KCNIP4: variants seen among roughly 807,000 people sequenced by gnomAD.
KCNIP4 encodes the protein potassium voltage-gated channel interacting protein 4.
KCNIP4 carries 12 observed loss-of-function variants against 34.0 expected under a neutral mutation model. That is an observed-to-expected ratio of 0.35 (90% CI 0.23 to 0.57). The LOEUF (loss-of-function observed/expected upper bound fraction) is 0.57, where lower values mean the gene tolerates loss of function less well. Among genes scored for constraint, KCNIP4 ranks in the 20% least tolerant of loss-of-function variants. The pLI is 0.83. For missense variants in KCNIP4, 238 were observed against 311.7 expected, an observed-to-expected ratio of 0.76 and a Z score of 1.78; for synonymous variants, 124 against 102.2, an observed-to-expected ratio of 1.21 and a Z score of -1.29.
intron 1 of KCNIP4, among the ~76,000 whole-genome samples, chr4:20,952,380 CT>C (rs1374745458): frequency 3.3e-5 from 5 of 152,044 alleles, no homozygotes; most frequent in Non-Finnish European, 7.4e-5. Flanking sequence ...CTCAAAACTC[CT>C]TTATATAACA....
intron 3 of KCNIP4, among the ~76,000 whole-genome samples, chr4:20,840,942 G>A (rs7672234): frequency 0.37 from 56,260 of 152,054 alleles, 10,849 homozygotes; most frequent in Non-Finnish European, 0.43. Flanking sequence ...CACAGGACAC[G>A]AATAATCTAC....
At chr4:21,227,500 A>G (rs997647472) in intron 1 of KCNIP4, among the ~76,000 whole-genome samples, 2 of 152,076 alleles carry the variant, frequency 1.3e-5, no homozygotes, top group African/African-American at 4.8e-5. Flanking sequence ...TGAAGCATGC[A>G]AATGGTCTGC....
chr4:21,043,595 T>C (rs575731409), intron 1 of KCNIP4, among the ~76,000 whole-genome samples: 1 of 152,120 alleles, frequency 6.6e-6, no homozygotes, highest in African/African-American at 2.4e-5. Flanking sequence ...CGCCTTGGCC[T>C]CTCAAAGTGC....
At chr4:20,850,842 T>TA (rs1720940600) in intron 2 of KCNIP4, 175 bp from the exon 3 acceptor site, 2 of 557,874 alleles carry the variant, frequency 3.6e-6, no homozygotes, top group Admixed American at 7.2e-5. Flanking sequence ...CGTATTAAGC[T>TA]AAAACACTTG....
chr4:20,933,746 A>G (rs1730739701), intron 1 of KCNIP4, among the ~76,000 whole-genome samples: 2 of 151,656 alleles, frequency 1.3e-5, no homozygotes, highest in African/African-American at 4.8e-5. Flanking sequence ...GAAAAAGAAA[A>G]AAAAAAAAAG....
At chr4:21,189,557 G>A (rs1323452268) in intron 1 of KCNIP4, among the ~76,000 whole-genome samples, 2 of 152,156 alleles carry the variant, frequency 1.3e-5, no homozygotes, top group Non-Finnish European at 2.9e-5. Flanking sequence ...CCCAATGATA[G>A]CTCACTAAGT....
chr4:21,948,727 C>CG lies in KCNIP4; in HGVS notation c.-97dup. 3 of 1,295,192 alleles carry CG rather than the reference C, an allele frequency of 2.3e-6. No individual in the cohort carries two copies. The highest frequency in any genetic ancestry group is 3.0e-6 in the Non-Finnish European group (3 of 1,005,510). The allele number at this position is 1,295,192 out of a possible 1,614,324, so 80.2% of individuals were successfully genotyped here. ...CACGGGAGCGCACCGCCGCTCGGCC[C>CG]GGGGGCGTCCGTGGCGCTGGGAGCG... On this transcript the variant is annotated 5_prime_UTR_variant, in exon 1 of 9. Coordinates refer to ENST00000382152, the MANE Select transcript of KCNIP4 (RefSeq NM_025221.6).
At chr4:21,556,930 A>AC (rs1739092858) in intron 1 of KCNIP4, among the ~76,000 whole-genome samples, 14 of 108,258 alleles carry the variant, frequency 1.3e-4, no homozygotes, top group African/African-American at 4.2e-4. Flanking sequence ...CAGAAAAAAA[A>AC]AAAAAAAAAA....
intron 1 of KCNIP4, among the ~76,000 whole-genome samples, chr4:21,837,540 A>AAAAAAAAAAG (rs1241501397): frequency 1.6e-5 from 2 of 124,974 alleles, no homozygotes; most frequent in East Asian, 4.0e-4. Context: ...GTCAAAAAAA[A>AAAAAAAAAAG]AAAAAAAGAA....
intron 4 of KCNIP4, among the ~76,000 whole-genome samples, chr4:20,751,838 T>G (rs1271422914): frequency 6.6e-6 from 1 of 152,208 alleles, no homozygotes; most frequent in African/African-American, 2.4e-5. Flanking sequence ...CTTCTAAATG[T>G]GCCTCTGCAG....
At chr4:20,941,996 A>G (rs1277394530) in intron 1 of KCNIP4, among the ~76,000 whole-genome samples, 1 of 152,208 alleles carries the variant, frequency 6.6e-6, no homozygotes, top group Non-Finnish European at 1.5e-5. Flanking sequence ...AGTGAACAAA[A>G]CAGGTTAAGG....
chr4:21,357,173 G>T lies in KCNIP4; in HGVS notation c.62-474464C>A, dbSNP rs555158507. Among the ~76,000 whole-genome samples the T allele has an allele frequency of 7.9e-5, 12 of 152,258 alleles. No individual in the cohort carries two copies. In the South Asian group the frequency reaches 2.5e-3, roughly 32 times the overall value. On this transcript the variant is annotated intron_variant, in intron 1 of 8. Coordinates refer to ENST00000382152, the MANE Select transcript of KCNIP4 (RefSeq NM_025221.6). The stretch of plus-strand genomic sequence containing the variant: ...CTTATAGAAAAATTAATTCAAGATG[G>T]ATTGAAGACTTAAATTTTGGACCTA...
chr4:20,992,749 C>T (rs893308926), intron 1 of KCNIP4, among the ~76,000 whole-genome samples: 6 of 152,126 alleles, frequency 3.9e-5, no homozygotes, highest in South Asian at 4.1e-4. Context: ...CAGAGTAGGC[C>T]GAACATGGTG....
In KCNIP4 at chr4:21,232,740, G is replaced by A. The variant is rs1482178775; in HGVS notation, c.62-350031C>T. Among the ~76,000 whole-genome samples, 10 of 152,106 alleles carry A rather than the reference G, an allele frequency of 6.6e-5. 1 individual carries two copies. The highest frequency in any genetic ancestry group is 3.9e-4 in the Admixed American group (6 of 15,242). On this transcript the variant is annotated intron_variant, in intron 1 of 8. Coordinates refer to ENST00000382152, the MANE Select transcript of KCNIP4 (RefSeq NM_025221.6). ...AGCGTTAAGAGTTATTCTTGCCTTC[G>A]AAGAAATTTCCCAGTCTAGTACAGA...
At chr4:21,028,568 G>C (rs913263864) in intron 1 of KCNIP4, among the ~76,000 whole-genome samples, 1 of 152,132 alleles carries the variant, frequency 6.6e-6, no homozygotes, top group Non-Finnish European at 1.5e-5. Flanking sequence ...TAGTGAGATG[G>C]TTGCAGGTAA....
chr4:21,144,599 A>G (rs1752215829), intron 1 of KCNIP4, among the ~76,000 whole-genome samples: 1 of 152,178 alleles, frequency 6.6e-6, no homozygotes, highest in African/African-American at 2.4e-5. Flanking sequence ...AATTTGGCAT[A>G]CTGGAATATA....
chr4:21,723,619 T>G (rs922513672), intron 1 of KCNIP4, among the ~76,000 whole-genome samples: 2 of 152,046 alleles, frequency 1.3e-5, no homozygotes, highest in African/African-American at 2.4e-5. Context: ...GAAAGTTTGG[T>G]GTCACATGGG....
At chr4:21,759,417 A>G (rs1288668475) in intron 1 of KCNIP4, among the ~76,000 whole-genome samples, 1 of 152,218 alleles carries the variant, frequency 6.6e-6, no homozygotes, top group African/African-American at 2.4e-5. Context: ...CTTATTGCCA[A>G]GTGAAAAAGA....
chr4:21,649,490 G>C (rs1747305888), intron 1 of KCNIP4, among the ~76,000 whole-genome samples: 1 of 152,162 alleles, frequency 6.6e-6, no homozygotes, highest in African/African-American at 2.4e-5. Flanking sequence ...CCTCTCTTGG[G>C]TGGTAAAGGG....
Sources: gnomAD v4.1 joint callset for allele counts (sites outside exome capture counted in the v4.1 genomes callset) on GRCh38, gnomAD v4.1.1 for gene constraint, MANE v1.5 for transcripts, NCBI Gene and HGNC (gene_info 2026-07-23, HGNC 2026-07-21) for gene names.